LGSN: variants seen among roughly 807,000 people sequenced by gnomAD.
LGSN encodes lengsin, lens protein with glutamine synthetase domain.
In LGSN, 21 loss-of-function variants were observed where a neutral mutation model predicts 19.5. That is an observed-to-expected ratio of 1.07 (90% CI 0.76 to 1.55). The LOEUF (loss-of-function observed/expected upper bound fraction) is 1.55, where lower values mean the gene tolerates loss of function less well. Among genes scored for constraint, LGSN ranks in the 40% most tolerant of loss-of-function variants. The pLI is 0.00. For synonymous variants in LGSN, 257 were observed against 215.6 expected, an observed-to-expected ratio of 1.19 and a Z score of -1.68; for missense variants, 673 against 608.5, an observed-to-expected ratio of 1.11 and a Z score of -1.12.
chr6:63,330,462 A>G, the LGSN span, among the ~76,000 whole-genome samples: 29 of 152,170 alleles, frequency 1.9e-4, no homozygotes, highest in African/African-American at 7.0e-4. Flanking sequence ...TTCTCCTGAT[A>G]TCTGCGGCTG....
chr6:63,469,586 A>G, the LGSN span, among the ~76,000 whole-genome samples: 3 of 152,200 alleles, frequency 2.0e-5, no homozygotes, highest in Non-Finnish European at 4.4e-5. Flanking sequence ...GATCAAACAG[A>G]ATTATTGCTT....
At chr6:63,407,298 A>C in the LGSN span, among the ~76,000 whole-genome samples, 3 of 151,950 alleles carry the variant, frequency 2.0e-5, no homozygotes, top group Admixed American at 2.0e-4. Context: ...CTGGCAAACC[A>C]AATCCAGCAG....
chr6:63,378,643 C>T, the LGSN span, among the ~76,000 whole-genome samples: 3 of 152,106 alleles, frequency 2.0e-5, no homozygotes, highest in South Asian at 2.1e-4. Context: ...AGAGATCACA[C>T]GTGAGAGAGG....
chr6:63,541,582 T>C, the LGSN span, among the ~76,000 whole-genome samples: 38 of 152,132 alleles, frequency 2.5e-4, no homozygotes, highest in African/African-American at 9.2e-4. Context: ...CTAGCACTAA[T>C]AAAGGAATAT....
chr6:63,485,184 C>A, the LGSN span, among the ~76,000 whole-genome samples: 1 of 152,118 alleles, frequency 6.6e-6, no homozygotes, highest in Non-Finnish European at 1.5e-5. Context: ...TCTCCCTCCT[C>A]CCACCCTCTA....
At chr6:63,496,205 G>C in the LGSN span, among the ~76,000 whole-genome samples, 1 of 152,190 alleles carries the variant, frequency 6.6e-6, no homozygotes, top group Non-Finnish European at 1.5e-5. Context: ...GATTACAGGC[G>C]TGAGCCACAG....
At chr6:63,432,093 GA>G in the LGSN span, among the ~76,000 whole-genome samples, 1 of 16,306 alleles carries the variant, frequency 6.1e-5, no homozygotes, top group Non-Finnish European at 1.2e-4. Context: ...AAGAAGGAAA[GA>G]AAGAAAGAAA....
the LGSN span, among the ~76,000 whole-genome samples, chr6:63,375,191 A>G: frequency 6.6e-6 from 1 of 152,148 alleles, no homozygotes; most frequent in Admixed American, 6.5e-5. Context: ...TCTAGAAATT[A>G]AGGAATTCCA....
chr6:63,528,427 C>CTT, the LGSN span, among the ~76,000 whole-genome samples: 6 of 144,776 alleles, frequency 4.1e-5, no homozygotes, highest in South Asian at 1.1e-3. Context: ...GAATCTCTGT[C>CTT]TTTTTTTTTT....
At chr6:63,318,467 G>T (rs1768951760) in intron 1 of LGSN, among the ~76,000 whole-genome samples, 1 of 152,112 alleles carries the variant, frequency 6.6e-6, no homozygotes, top group African/African-American at 2.4e-5. Flanking sequence ...AACCTATACA[G>T]GAGAGTATAA....
the LGSN span, among the ~76,000 whole-genome samples, chr6:63,350,792 C>T: frequency 2.0e-5 from 3 of 151,106 alleles, no homozygotes; most frequent in Non-Finnish European, 4.4e-5. Flanking sequence ...GCAGAGGTTA[C>T]GGTGAGCTGA....
the LGSN span, among the ~76,000 whole-genome samples, chr6:63,562,903 G>A: frequency 6.6e-6 from 1 of 152,154 alleles, no homozygotes; most frequent in Non-Finnish European, 1.5e-5. Context: ...TTTCATCAGT[G>A]TGCCTATACA....
intron 2 of LGSN, 90 bp from the exon 3 acceptor site, chr6:63,285,843 T>C (rs928307751): frequency 5.2e-6 from 5 of 957,584 alleles, no homozygotes; most frequent in Middle Eastern, 2.3e-4. Flanking sequence ...TAGTCAATAT[T>C]ATTAACAAAA....
chr6:63,495,047 A>G, the LGSN span, among the ~76,000 whole-genome samples: 6 of 152,162 alleles, frequency 3.9e-5, no homozygotes, highest in African/African-American at 1.4e-4. Context: ...ATTAACCTAT[A>G]TAATAACACA....
the LGSN span, among the ~76,000 whole-genome samples, chr6:63,565,946 A>G: frequency 7.7e-4 from 118 of 152,362 alleles, no homozygotes; most frequent in Non-Finnish European, 1.2e-4. Flanking sequence ...AAGCATAGGC[A>G]TACCTTGGAG....
In LGSN at chr6:63,280,113, A is replaced by G; in HGVS notation, c.1438T>C (p.Phe480Leu). 1.9e-6 allele frequency: 3 copies of G among 1,614,194 alleles called. No homozygotes were observed. Among genetic ancestry groups the G allele is most frequent in the Non-Finnish European group, 1.7e-6 (2 of 1,180,030 alleles). Residue 480 changes from phenylalanine (F) to leucine (L), a missense_variant, in exon 4 of 4, where the codon TTT (phenylalanine) becomes CTT (leucine). By Grantham distance (22) the Phe-to-Leu change is conservative. Coordinates refer to ENST00000370657, the MANE Select transcript of LGSN (RefSeq NM_016571.3). ...QCLRQALGET[F>L]IRYFVAMKKY... is the part of the protein sequence containing the mutation. ...TTCATGGCAACAAAATATCGAATAAAGGTTTCTCCTAGAGCCTGTCTCAGG... is the reference window on the plus strand; with the variant it reads ...TTCATGGCAACAAAATATCGAATAAGGGTTTCTCCTAGAGCCTGTCTCAGG...
chr6:63,489,939 A>G, the LGSN span, among the ~76,000 whole-genome samples: 1 of 152,144 alleles, frequency 6.6e-6, no homozygotes, highest in Admixed American at 6.6e-5. Context: ...CGAACTCCTG[A>G]CATCAGGTGA....
chr6:63,314,787 G>A (rs1410760602), intron 1 of LGSN, among the ~76,000 whole-genome samples: 1 of 152,110 alleles, frequency 6.6e-6, no homozygotes, highest in Admixed American at 6.6e-5. Context: ...TAGTTATAGT[G>A]GAAACTGAGA....
chr6:63,455,523 G>A, the LGSN span, among the ~76,000 whole-genome samples: 19 of 152,176 alleles, frequency 1.2e-4, no homozygotes, highest in African/African-American at 4.6e-4. Flanking sequence ...GGGAGGCCGA[G>A]GCGGATGGAT....
Sources: allele counts gnomAD v4.1 joint callset (sites outside exome capture counted in the v4.1 genomes callset), GRCh38; gene constraint gnomAD v4.1.1; transcripts MANE v1.5; gene names NCBI Gene and HGNC (gene_info 2026-07-23, HGNC 2026-07-21).